Variants in INPP4B observed in about 807,000 individuals in gnomAD.
INPP4B encodes the protein inositol polyphosphate-4-phosphatase type II B.
Under a neutral mutation model 122.5 loss-of-function variants are expected in INPP4B, and 55 were observed. The observed-to-expected ratio is 0.45, with a 90% CI of 0.36 to 0.56. The LOEUF (loss-of-function observed/expected upper bound fraction) is 0.56, where lower values mean the gene tolerates loss of function less well. INPP4B is among the 20% of genes least tolerant of loss of function. The pLI is 0.00. For missense variants in INPP4B, 1,000 were observed against 1,097.7 expected (o/e 0.91, Z 1.26); for synonymous variants, 403 against 388.7 (o/e 1.04, Z -0.43).
At chr4:142,085,288 T>C (rs537068167) in intron 24 of INPP4B, among the ~76,000 whole-genome samples, 2 of 152,340 alleles carry the variant, frequency 1.3e-5, no homozygotes, top group South Asian at 4.1e-4. Context: ...CTTTCTGTTT[T>C]AAATGCTATG....
rs1834267141 is a variant in INPP4B at position 142,188,518 on chromosome 4, A to AAAAAAAT, written c.1181+4568_1181+4569insATTTTTT. 3.4e-4 allele frequency among the ~76,000 whole-genome samples: 36 copies of AAAAAAAT among 105,124 alleles called. 6 individuals are homozygous for AAAAAAAT. The highest frequency in any genetic ancestry group is 6.5e-4 in the South Asian group (2 of 3,096). The allele number at this position is 105,124 out of a possible 152,430, so 69.0% of individuals were successfully genotyped here. On this transcript the variant is annotated intron_variant, in intron 15 of 25. Transcript: ENST00000262992. Reference sequence around the variant, plus strand: ...AAAAAAAAAAAAAAAAAAGAAAAAAAATATATATAGCTTGACTTATGAGTT... The same window carrying AAAAAAAT: ...AAAAAAAAAAAAAAAAAAGAAAAAAAAAAAAATATATATATAGCTTGACTTATGAGTT...
At chr4:142,663,736 G>A (rs1454070963) in intron 2 of INPP4B, among the ~76,000 whole-genome samples, 2 of 151,994 alleles carry the variant, frequency 1.3e-5, no homozygotes, top group African/African-American at 4.8e-5. Flanking sequence ...CATTTTAATT[G>A]TGTTTTGATT....
intron 17 of INPP4B, among the ~76,000 whole-genome samples, chr4:142,149,768 G>C (rs936409797): frequency 6.6e-6 from 1 of 152,182 alleles, no homozygotes; most frequent in Non-Finnish European, 1.5e-5. Flanking sequence ...AGCAGGGATA[G>C]AGCAGTCACT....
intron 2 of INPP4B, among the ~76,000 whole-genome samples, chr4:142,700,416 T>C (rs927188534): frequency 3.9e-5 from 6 of 152,236 alleles, no homozygotes; most frequent in African/African-American, 1.4e-4. Context: ...TTTTTTGTGC[T>C]GTATCTTGTA....
At chr4:142,722,321 C>A (rs1764794058) in intron 2 of INPP4B, among the ~76,000 whole-genome samples, 1 of 151,986 alleles carries the variant, frequency 6.6e-6, no homozygotes, top group African/African-American at 2.4e-5. Flanking sequence ...AGAAAGCAGA[C>A]CAGACATTCA....
intron 2 of INPP4B, among the ~76,000 whole-genome samples, chr4:142,590,752 A>G (rs2150245530): frequency 6.6e-6 from 1 of 151,990 alleles, no homozygotes; most frequent in East Asian, 1.9e-4. Flanking sequence ...TTACTCTAAA[A>G]ACATACATTT....
chr4:142,074,114 T>TA (rs1165034407), intron 25 of INPP4B, among the ~76,000 whole-genome samples: 1 of 151,990 alleles, frequency 6.6e-6, no homozygotes, highest in East Asian at 1.9e-4. Flanking sequence ...ATTTAAAAAA[T>TA]AAAAATAAAG....
chr4:142,343,823 C>G (rs1334321091), intron 7 of INPP4B, among the ~76,000 whole-genome samples: 2 of 151,868 alleles, frequency 1.3e-5, no homozygotes, highest in African/African-American at 2.4e-5. Context: ...ATAGAAAAAC[C>G]ATTTTTTACA....
At chr4:142,507,358 T>C (rs1824161066) in intron 2 of INPP4B, among the ~76,000 whole-genome samples, 1 of 152,188 alleles carries the variant, frequency 6.6e-6, no homozygotes, top group Admixed American at 6.5e-5. Context: ...CTTTGTTGTA[T>C]CTGCTGTGCT....
chr4:142,098,165 G>C (rs1029257830), intron 23 of INPP4B, among the ~76,000 whole-genome samples: 2 of 152,068 alleles, frequency 1.3e-5, no homozygotes, highest in Admixed American at 6.6e-5. Context: ...ATAGGGCATA[G>C]AGCCACTAAA....
chr4:142,729,733 C>G (rs149021596), intron 1 of INPP4B, among the ~76,000 whole-genome samples: 1 of 152,176 alleles, frequency 6.6e-6, no homozygotes, highest in South Asian at 2.1e-4. Flanking sequence ...TTGTTACTTA[C>G]TTCATCCACA....
At chr4:142,729,052 A>G (rs1765712341) in intron 1 of INPP4B, among the ~76,000 whole-genome samples, 1 of 152,100 alleles carries the variant, frequency 6.6e-6, no homozygotes, top group South Asian at 2.1e-4. Flanking sequence ...TCCAAATGAA[A>G]CCATTCTACC....
chr4:142,380,604 A>T (rs1793758017), intron 7 of INPP4B, among the ~76,000 whole-genome samples: 1 of 152,146 alleles, frequency 6.6e-6, no homozygotes, highest in South Asian at 2.1e-4. Context: ...TTTTATTAGA[A>T]ATAATAAAAT....
At chr4:142,616,408 C>T (rs907190512) in intron 2 of INPP4B, among the ~76,000 whole-genome samples, 6 of 152,092 alleles carry the variant, frequency 3.9e-5, no homozygotes, top group Non-Finnish European at 7.4e-5. Flanking sequence ...AAGACAAGGT[C>T]GGAGAAAGCC....
intron 7 of INPP4B, among the ~76,000 whole-genome samples, chr4:142,367,683 C>G (rs977742424): frequency 1.3e-5 from 2 of 152,100 alleles, no homozygotes; most frequent in Non-Finnish European, 2.9e-5. Context: ...ATTCATGCAT[C>G]CATAATACAT....
intron 21 of INPP4B, among the ~76,000 whole-genome samples, chr4:142,119,065 T>C (rs1578970877): frequency 6.6e-6 from 1 of 152,142 alleles, no homozygotes; most frequent in East Asian, 1.9e-4. Flanking sequence ...TCACTGGCCA[T>C]CAGAGAAATG....
intron 2 of INPP4B, among the ~76,000 whole-genome samples, chr4:142,696,754 T>G (rs1761084588): frequency 6.6e-6 from 1 of 152,176 alleles, no homozygotes; most frequent in Non-Finnish European, 1.5e-5. Context: ...AGCCAGCCAG[T>G]AGAGAGGCTC....
intron 12 of INPP4B, among the ~76,000 whole-genome samples, chr4:142,214,398 G>T (rs1392020733): frequency 2.0e-5 from 3 of 152,150 alleles, no homozygotes; most frequent in African/African-American, 7.2e-5. Context: ...TGGATCTTCT[G>T]AGATGTCCTT....
intron 2 of INPP4B, chr4:142,661,029 C>G (rs919934868): frequency 6.6e-6 from 1 of 152,250 alleles, no homozygotes; most frequent in South Asian, 2.1e-4. Flanking sequence ...AAGCAGCCTG[C>G]GCACTGGGGT....
Sources: allele counts gnomAD v4.1 joint callset (sites outside exome capture counted in the v4.1 genomes callset), GRCh38; gene constraint gnomAD v4.1.1; transcripts MANE v1.5; gene names NCBI Gene and HGNC (gene_info 2026-07-23, HGNC 2026-07-21).